SEMA3C: variants seen among roughly 807,000 people sequenced by gnomAD.
SEMA3C encodes the protein semaphorin-3C.
A neutral mutation model predicts 89.4 loss-of-function variants in SEMA3C; 47 were observed. The ratio of observed to expected loss-of-function variants is 0.53; its 90% CI spans 0.42 to 0.67. The LOEUF is 0.67. Among genes scored for constraint, SEMA3C ranks in the 30% least tolerant of loss-of-function variants. The probability of loss-of-function intolerance (pLI) is 0.00; values close to 1 mark genes in which losing one functional copy is unlikely to be tolerated. For missense variants in SEMA3C, 839 were observed against 929.1 expected (o/e 0.90, Z 1.26); for synonymous variants, 310 against 320.2 (o/e 0.97, Z 0.34).
chr7:80,835,742 T>C (rs1461312412), intron 2 of SEMA3C, among the ~76,000 whole-genome samples: 1 of 152,208 alleles, frequency 6.6e-6, no homozygotes, highest in East Asian at 1.9e-4. Flanking sequence ...ACTTGTGGGC[T>C]TACCAGTAGC....
At position 80,758,410 on chromosome 7, in the gene SEMA3C, C is replaced by T; in HGVS notation, c.1564G>A (p.Ala522Thr). Reference sequence around the variant, plus strand: ...GGGTCCCGCGCCAGGCAGCAGTCAGCACAGGCTGTACCATAGATGTGGCAG... The same window carrying T: ...GGGTCCCGCGCCAGGCAGCAGTCAGTACAGGCTGTACCATAGATGTGGCAG... ...HRCHIYGTAC[A>T]DCCLARDPYC... Residue 522 changes from alanine to threonine, a missense_variant, in exon 15 of 18, where the codon GCT becomes ACT. Physicochemically the swap from Ala to Thr is moderately conservative, Grantham distance 58. Coordinates refer to ENST00000265361, the MANE Select transcript of SEMA3C (RefSeq NM_006379.5). The T allele has an allele frequency of 1.9e-6, 3 of 1,614,124 alleles. No individual in the cohort carries two copies. Among genetic ancestry groups the T allele is most frequent in the Non-Finnish European group, 2.5e-6 (3 of 1,180,004 alleles).
intron 2 of SEMA3C, among the ~76,000 whole-genome samples, chr7:80,853,240 G>GT (rs1393015787): frequency 2.6e-5 from 4 of 151,998 alleles, no homozygotes; most frequent in Admixed American, 6.6e-5. Context: ...TAGAACAACC[G>GT]TAAGATCCAG....
intron 16 of SEMA3C, among the ~76,000 whole-genome samples, chr7:80,750,473 T>TATATACAC (rs869227686): frequency 2.1e-3 from 117 of 55,336 alleles, no homozygotes; most frequent in East Asian, 7.0e-3. Context: ...TATATATATA[T>TATATACAC]ACACACACAC....
chr7:80,921,870 G>A (rs568012774), upstream of SEMA3C, among the ~76,000 whole-genome samples: 2 of 152,156 alleles, frequency 1.3e-5, no homozygotes, highest in African/African-American at 4.8e-5. Flanking sequence ...CTCTAGCACC[G>A]ATGTTGAGTT....
chr7:80,893,736 T>C (rs746134211), intron 2 of SEMA3C, among the ~76,000 whole-genome samples: 1 of 152,044 alleles, frequency 6.6e-6, no homozygotes, highest in Admixed American at 6.6e-5. Context: ...TCATCCTAGA[T>C]TTACATAGAC....
At chr7:80,793,450 G>A (rs937950329) in intron 11 of SEMA3C, 2 of 449,834 alleles carry the variant, frequency 4.4e-6, no homozygotes, top group African/African-American at 4.0e-5. Context: ...CCCAGTAGGG[G>A]ACACAAGAAT....
chr7:80,839,788 C>A (rs1018518363), intron 2 of SEMA3C, among the ~76,000 whole-genome samples: 2 of 151,758 alleles, frequency 1.3e-5, no homozygotes, highest in Non-Finnish European at 2.9e-5. Flanking sequence ...GTCAGCAAAA[C>A]CCCAGAACAC....
chr7:80,891,810 T>C (rs116830713), intron 2 of SEMA3C, among the ~76,000 whole-genome samples: 1,580 of 152,184 alleles, frequency 0.01, 22 homozygotes, highest in African/African-American at 0.036. Flanking sequence ...ATATAAAGTA[T>C]CTTAATTTCC....
intron 14 of SEMA3C, among the ~76,000 whole-genome samples, chr7:80,760,195 T>G (rs535911001): frequency 6.6e-6 from 1 of 152,342 alleles, no homozygotes; most frequent in South Asian, 2.1e-4. Flanking sequence ...TATCCTTGCC[T>G]TGAATCTCAC....
At chr7:80,750,200 C>G (rs1271698573) in intron 16 of SEMA3C, among the ~76,000 whole-genome samples, 1 of 151,750 alleles carries the variant, frequency 6.6e-6, no homozygotes, top group Non-Finnish European at 1.5e-5. Context: ...CTTGGAAATA[C>G]TTTTACTTGG....
intron 2 of SEMA3C, among the ~76,000 whole-genome samples, chr7:80,902,874 C>T (rs1461170772): frequency 6.6e-6 from 1 of 152,118 alleles, no homozygotes; most frequent in Non-Finnish European, 1.5e-5. Flanking sequence ...GGCTTTTCTG[C>T]CTACGTGAAA....
intron 2 of SEMA3C, among the ~76,000 whole-genome samples, chr7:80,885,282 T>C (rs1000743866): frequency 2.6e-5 from 4 of 152,250 alleles, no homozygotes; most frequent in Admixed American, 2.0e-4. Flanking sequence ...CCCTCTTTTA[T>C]CCCTAGGTAA....
intron 4 of SEMA3C, among the ~76,000 whole-genome samples, chr7:80,825,801 A>T (rs950913522): frequency 3.9e-5 from 6 of 152,176 alleles, no homozygotes; most frequent in Non-Finnish European, 8.8e-5. Context: ...TTAGAGAATA[A>T]AAGAAAACAG....
At chr7:80,841,024 G>C (rs1338716357) in intron 2 of SEMA3C, among the ~76,000 whole-genome samples, 1 of 152,140 alleles carries the variant, frequency 6.6e-6, no homozygotes, top group Admixed American at 6.5e-5. Context: ...TCTCAGGGTT[G>C]ATCAAGAAGC....
At chr7:80,889,408 ATAAT>A (rs901981162) in intron 2 of SEMA3C, among the ~76,000 whole-genome samples, 1 of 152,182 alleles carries the variant, frequency 6.6e-6, no homozygotes, top group African/African-American at 2.4e-5. Context: ...AAATCTTCAA[ATAAT>A]TACTTATTAA....
Position 80,798,218 on chromosome 7 carries a change from TG to T in SEMA3C, c.1004del (p.Ser335Ter). On this transcript the variant is annotated frameshift_variant, in exon 11 of 18. Transcript: ENST00000265361. LOFTEE classifies it high-confidence loss of function. ...CAGATAAATGATACACACACACGGC[TG>T]ATCCTTTGAAAACTGAGCTAAAAAA... ...FTTSSSVFKG[S>X]AVCVYHLSDI... 1 of 1,483,456 alleles carries T rather than the reference TG, an allele frequency of 6.7e-7. No individual in the cohort carries two copies. Among genetic ancestry groups the T allele is most frequent in the Non-Finnish European group, 8.9e-7 (1 of 1,117,328 alleles). The allele number at this position is 1,483,456 out of a possible 1,614,324, so 91.9% of individuals were successfully genotyped here.
intron 2 of SEMA3C, among the ~76,000 whole-genome samples, chr7:80,907,093 C>G (rs956587804): frequency 2.9e-4 from 44 of 151,976 alleles, no homozygotes; most frequent in African/African-American, 6.5e-4. Flanking sequence ...TAGATTTTTA[C>G]ACAAAAGTTT....
In SEMA3C at chr7:80,772,706, T is replaced by TG. The variant is rs202087780; in HGVS notation, c.1355-7464_1355-7463insC. The stretch of plus-strand genomic sequence containing the variant: ...TAAACTAGGTTAAACATGTTTTTTT[T>TG]TTTGTTTGTTTTATTTTTTTCCTGC... On this transcript the variant is annotated intron_variant, in intron 12 of 17. Transcript: ENST00000265361. Among the ~76,000 whole-genome samples, 257 of 151,724 alleles carry TG rather than the reference T, an allele frequency of 1.7e-3. 2 individuals carry two copies. The highest frequency in any genetic ancestry group is 5.7e-3 in the African/African-American group (233 of 41,060).
At chr7:80,814,720 C>A (rs1236643626) in intron 5 of SEMA3C, among the ~76,000 whole-genome samples, 1 of 152,126 alleles carries the variant, frequency 6.6e-6, no homozygotes, top group East Asian at 1.9e-4. Context: ...GGCAACTACA[C>A]AATTAAAGAG....
Sources: allele counts gnomAD v4.1 joint callset (sites outside exome capture counted in the v4.1 genomes callset), GRCh38; gene constraint gnomAD v4.1.1; transcripts MANE v1.5; gene names NCBI Gene and HGNC (gene_info 2026-07-23, HGNC 2026-07-21).